The following OR10R2 variants were observed in gnomAD, a reference collection of about 807,000 sequenced individuals.
The protein encoded by OR10R2 is olfactory receptor family 10 subfamily R member 2, also known as olfactory receptor 10R2.
In OR10R2, 1 loss-of-function variant was observed where a neutral mutation model predicts 2.4. The ratio of observed to expected loss-of-function variants is 0.41; its 90% confidence interval spans 0.15 to 1.95. The LOEUF is 1.95. Among genes scored for constraint, OR10R2 ranks in the 30% most tolerant of loss-of-function variants. The pLI is 0.30. For synonymous variants in OR10R2, 166 were observed against 144.8 expected (o/e 1.15, Z -1.05); for missense variants, 419 against 373.0 (o/e 1.12, Z -1.01).
chr1:158,472,653 A>G (rs1006477467), intron 1 of OR10R2, among the ~76,000 whole-genome samples: 1 of 152,224 alleles, frequency 6.6e-6, no homozygotes, highest in African/African-American at 2.4e-5. Context: ...TATGCCTTTT[A>G]TCTTATGTTT....
At chr1:158,475,714 A>G (rs1327292357) in intron 1 of OR10R2, among the ~76,000 whole-genome samples, 1 of 151,532 alleles carries the variant, frequency 6.6e-6, no homozygotes, top group Non-Finnish European at 1.5e-5. Context: ...GTAAATAAAT[A>G]TTTTATTTTA....
rs574387666 is a variant in OR10R2, at chr1:158,475,145, C to G, written c.27+2793C>G. The stretch of plus-strand genomic sequence containing the variant: ...CAATGGAAGAACTGGTACCCAAAGC[C>G]AAGTTACCTTCCTCTAGATTCCATA... On this transcript the variant is annotated intron_variant, in intron 1 of 1. Transcript: ENST00000641067. Among the ~76,000 whole-genome samples, 205 of 152,212 alleles carry G rather than the reference C, an allele frequency of 1.3e-3. 1 individual carries two copies. Among genetic ancestry groups the G allele is most frequent in the African/African-American group, 4.7e-3 (197 of 41,548 alleles).
Position 158,474,215 on chromosome 1 carries a change from A to T in OR10R2, c.27+1863A>T, listed in dbSNP as rs142132589. On this transcript the variant is annotated intron_variant, in intron 1 of 1. Coordinates refer to ENST00000641067, the Ensembl canonical transcript of OR10R2. ...CTCCTATCCTCTCCCATCTTCTCCT[A>T]GCTGTTCTCTGTGTTCGCAATGCCA... Among the ~76,000 whole-genome samples, 587 of 151,908 alleles carry T rather than the reference A, an allele frequency of 3.9e-3. 4 individuals carry two copies. The highest frequency in any genetic ancestry group is 0.014 in the African/African-American group (563 of 41,434).
In OR10R2 at chr1:158,480,796, C is replaced by A. The variant is rs1409441111; in HGVS notation, c.886C>A (p.Pro296Thr). 9.9e-6 allele frequency: 16 copies of A among 1,613,272 alleles called. No homozygotes were observed. The East Asian group carries it at 3.6e-4, about 36-fold the overall frequency. Residue 296 changes from proline to threonine, a missense_variant, in exon 2 of 2, where the codon CCC (proline) becomes ACC (threonine). Physicochemically the swap from Pro to Thr is conservative, Grantham distance 38. Transcript: ENST00000641067. Reference sequence around the variant, plus strand: ...CACGATTGTCACTCCATTACTAAACCCCATGGTTTATAGCCTCAGAAACAA... The same window carrying A: ...CACGATTGTCACTCCATTACTAAACACCATGGTTTATAGCCTCAGAAACAA...
exon 2 of OR10R2, chr1:158,480,136 T>G (rs1656353504): frequency 1.2e-6 from 2 of 1,613,820 alleles, no homozygotes; most frequent in Admixed American, 1.7e-5. Context: ...TGGCATTCTC[T>G]CAACATCTGA....
At chr1:158,479,997 T>G in exon 2 of OR10R2, 2 of 1,613,924 alleles carry the variant, frequency 1.2e-6, no homozygotes, top group Non-Finnish European at 1.7e-6. Flanking sequence ...TTTCCAGCCT[T>G]GGTGAAATTC....
exon 2 of OR10R2, chr1:158,480,774 G>A (rs146808200): frequency 3.0e-5 from 49 of 1,613,636 alleles, no homozygotes; most frequent in Non-Finnish European, 3.4e-5. Flanking sequence ...TGACATACAC[G>A]ATTGTCACTC....
chr1:158,472,393 A>C (rs1656182542), intron 1 of OR10R2, 41 bp downstream of exon 1: 1 of 399,034 alleles, frequency 2.5e-6, no homozygotes, highest in Non-Finnish European at 4.4e-6. Context: ...TTAAGAGACT[A>C]GCAGGAAGAT....
chr1:158,479,999 G>A lies in OR10R2; in HGVS notation c.89G>A (p.Gly30Asp). ...CTGTTGCTGGGTTTTTCCAGCCTTG[G>A]TGAAATTCAGCTGGCCCTCTTTGTA... The change falls in exon 2 of 2, where the codon GGT becomes GAT. Residue 30 changes from glycine (G) to aspartate (D), a missense_variant. By Grantham distance (94) the Gly-to-Asp change is moderately conservative. Coordinates refer to ENST00000641067, the Ensembl canonical transcript of OR10R2. 4 of 1,613,902 alleles carry A rather than the reference G, an allele frequency of 2.5e-6. No individual in the cohort carries two copies. In the South Asian group the frequency reaches 3.3e-5, roughly 13 times the overall value.
exon 2 of OR10R2, chr1:158,480,842 G>C (rs987285846): frequency 1.9e-6 from 3 of 1,588,346 alleles, no homozygotes; most frequent in African/African-American, 2.7e-5. Flanking sequence ...CTTGCTATCA[G>C]AAAAGTGTTG....
rs748383051 is a variant in OR10R2 at position 158,480,036 on chromosome 1, T to C, written c.126T>C (p.Phe42=). ...TGGCCCTCTTTGTAGTTTTTCTTTT[T>C]CTGTATCTAGTCATTCTTAGTGGCA... Residue 42 remains phenylalanine (F), a synonymous_variant, in exon 2 of 2, where the codon TTT becomes TTC. Transcript: ENST00000641067. 1.1e-5 allele frequency: 17 copies of C among 1,614,122 alleles called. No individual in the cohort carries two copies. The South Asian group carries it at 1.8e-4, about 17-fold the overall frequency.
exon 2 of OR10R2, chr1:158,480,638 G>A (rs1474215657): frequency 6.2e-7 from 1 of 1,613,822 alleles, no homozygotes; most frequent in African/African-American, 1.3e-5. Flanking sequence ...GCTGAGGGCA[G>A]ACGGAAAGCG....
chr1:158,479,904 C>T, intron 1 of OR10R2, 34 bp from the exon 2 acceptor site: 1 of 1,609,334 alleles, frequency 6.2e-7, no homozygotes, highest in South Asian at 1.1e-5. Context: ...TATTCACATA[C>T]CTGAATATGT....
exon 2 of OR10R2, chr1:158,479,953 C>T (rs1349760120): frequency 1.9e-6 from 3 of 1,614,004 alleles, no homozygotes; most frequent in Non-Finnish European, 2.5e-6. Context: ...GGCAGAAAAC[C>T]TCACCATGGT....
At chr1:158,474,161 C>T in intron 1 of OR10R2, among the ~76,000 whole-genome samples, 1 of 151,952 alleles carries the variant, frequency 6.6e-6, no homozygotes, top group Non-Finnish European at 1.5e-5. Flanking sequence ...CTGAGTTGAA[C>T]TGTTTCAACA....
intron 1 of OR10R2, among the ~76,000 whole-genome samples, chr1:158,477,736 AT>A (rs1173229111): frequency 1.3e-5 from 2 of 152,184 alleles, no homozygotes; most frequent in Non-Finnish European, 2.9e-5. Flanking sequence ...GTCAAAAGCA[AT>A]TTACAGATTC....
chr1:158,480,763 G>A, exon 2 of OR10R2: 1 of 1,613,702 alleles, frequency 6.2e-7, no homozygotes, highest in Admixed American at 1.7e-5. Flanking sequence ...GCTGGTGACG[G>A]TGACATACAC....
At chr1:158,480,009 G>C in exon 2 of OR10R2, 3 of 1,614,020 alleles carry the variant, frequency 1.9e-6, no homozygotes, top group Non-Finnish European at 2.5e-6. Context: ...GTGAAATTCA[G>C]CTGGCCCTCT....
At chr1:158,472,241 T>C (rs1656179651) in exon 1 of OR10R2, 3 of 398,632 alleles carry the variant, frequency 7.5e-6, no homozygotes, top group Non-Finnish European at 1.3e-5. Flanking sequence ...CAAGCAGGCA[T>C]TGATGCTAAT....
Sources: allele counts gnomAD v4.1 joint callset (sites outside exome capture counted in the v4.1 genomes callset), GRCh38; gene constraint gnomAD v4.1.1; transcripts MANE v1.5; gene names NCBI Gene and HGNC (gene_info 2026-07-23, HGNC 2026-07-21).